PDE3B: variants seen among roughly 807,000 people sequenced by gnomAD.
PDE3B encodes the protein cGMP-inhibited 3',5'-cyclic phosphodiesterase 3B.
Under a neutral mutation model 116.8 loss-of-function variants are expected in PDE3B, and 66 were observed. The ratio of observed to expected loss-of-function variants is 0.56; its 90% confidence interval spans 0.46 to 0.69. The LOEUF is 0.69. Among genes scored for constraint, PDE3B ranks in the 30% least tolerant of loss-of-function variants. The probability of loss-of-function intolerance (pLI) is 0.00; values close to 1 mark genes in which losing one functional copy is unlikely to be tolerated. For synonymous variants in PDE3B, 595 were observed against 533.6 expected (o/e 1.12, Z -1.59); for missense variants, 1,384 against 1,368.1 (o/e 1.01, Z -0.18).
chr11:14,677,272 A>G (rs1300065092), intron 1 of PDE3B, among the ~76,000 whole-genome samples: 1 of 152,206 alleles, frequency 6.6e-6, no homozygotes, highest in South Asian at 2.1e-4. Flanking sequence ...CTCAGAATAA[A>G]GGAAATGAAG....
intron 2 of PDE3B, among the ~76,000 whole-genome samples, chr11:14,778,087 T>C (rs948315642): frequency 2.6e-5 from 4 of 152,078 alleles, no homozygotes; most frequent in African/African-American, 9.7e-5. Flanking sequence ...CAGTCTAAGA[T>C]GGAACTGCAA....
At chr11:14,825,689 A>G (rs571986300) in intron 7 of PDE3B, among the ~76,000 whole-genome samples, 75 of 152,330 alleles carry the variant, frequency 4.9e-4, no homozygotes, top group African/African-American at 1.8e-3. Context: ...AATAATAGTG[A>G]GAGACTTCAA....
intron 2 of PDE3B, among the ~76,000 whole-genome samples, chr11:14,782,262 G>T (rs775287260): frequency 2.0e-5 from 3 of 152,136 alleles, no homozygotes; most frequent in Non-Finnish European, 4.4e-5. Context: ...AAAACTACTT[G>T]AAAGTTCATG....
the PDE3B span, chr11:14,880,141 A>G: frequency 2.1e-5 from 34 of 1,612,566 alleles, no homozygotes; most frequent in Admixed American, 1.3e-4. Context: ...CTCACCTTGA[A>G]TATTAGGATA....
intron 1 of PDE3B, among the ~76,000 whole-genome samples, chr11:14,738,087 A>C (rs1856654825): frequency 6.6e-6 from 1 of 152,162 alleles, no homozygotes; most frequent in Non-Finnish European, 1.5e-5. Flanking sequence ...ATACGTGTGC[A>C]TGTGTCTTTA....
intron 4 of PDE3B, among the ~76,000 whole-genome samples, chr11:14,795,682 T>C (rs1858530963): frequency 6.6e-6 from 1 of 152,188 alleles, no homozygotes; most frequent in African/African-American, 2.4e-5. Flanking sequence ...GTCTTGACTA[T>C]TAATCATAGA....
chr11:14,747,297 A>G (rs1856935253), intron 1 of PDE3B, among the ~76,000 whole-genome samples: 3 of 152,226 alleles, frequency 2.0e-5, no homozygotes, highest in African/African-American at 7.2e-5. Context: ...CATCCAAACC[A>G]TATCAGTCAC....
chr11:14,680,030 T>C (rs10128681), intron 1 of PDE3B, among the ~76,000 whole-genome samples: 53,937 of 152,022 alleles, frequency 0.35, 10,943 homozygotes, highest in South Asian at 0.46. Flanking sequence ...GGGAAGCTCA[T>C]AGTAGTAGGC....
intron 1 of PDE3B, among the ~76,000 whole-genome samples, chr11:14,721,491 A>G (rs944739516): frequency 6.6e-6 from 1 of 151,758 alleles, no homozygotes; most frequent in Non-Finnish European, 1.5e-5. Context: ...TTATTGTGGC[A>G]TTATTCACAA....
chr11:14,822,007 AG>A, intron 7 of PDE3B, among the ~76,000 whole-genome samples: 2 of 152,010 alleles, frequency 1.3e-5, no homozygotes, highest in South Asian at 4.2e-4. Flanking sequence ...CCTGGGCTCA[AG>A]CAATCTTCCC....
At chr11:14,737,819 C>T (rs1590103930) in intron 1 of PDE3B, among the ~76,000 whole-genome samples, 1 of 144,072 alleles carries the variant, frequency 6.9e-6, no homozygotes, top group East Asian at 2.1e-4. Context: ...CTTCCTGTGT[C>T]CATGTGTTCT....
chr11:14,785,121 T>C (rs1858150800), intron 2 of PDE3B, among the ~76,000 whole-genome samples: 1 of 152,114 alleles, frequency 6.6e-6, no homozygotes, highest in Non-Finnish European at 1.5e-5. Context: ...TATATACAAT[T>C]AGAAGTGTAG....
chr11:14,806,108 G>A (rs1858911423), intron 5 of PDE3B, among the ~76,000 whole-genome samples: 1 of 152,144 alleles, frequency 6.6e-6, no homozygotes, highest in Non-Finnish European at 1.5e-5. Flanking sequence ...TCTAGAACAA[G>A]AAATACCATT....
At chr11:14,879,289 T>G in the PDE3B span, 1 of 1,613,330 alleles carries the variant, frequency 6.2e-7, no homozygotes, top group African/African-American at 1.3e-5. Flanking sequence ...CAACTGCATC[T>G]TCAGAGGTTG....
At chr11:14,850,736 T>A (rs1847728640) in intron 12 of PDE3B, among the ~76,000 whole-genome samples, 1 of 152,164 alleles carries the variant, frequency 6.6e-6, no homozygotes, top group African/African-American at 2.4e-5. Flanking sequence ...AGGTCACAAT[T>A]TGCATGAAAG....
At chr11:14,709,355 TA>T (rs1265750031) in intron 1 of PDE3B, among the ~76,000 whole-genome samples, 2 of 152,126 alleles carry the variant, frequency 1.3e-5, no homozygotes, top group African/African-American at 4.8e-5. Context: ...TTTTTCACAT[TA>T]AAAAAATCTC....
At chr11:14,820,476 A>C (rs1409313511) in intron 7 of PDE3B, among the ~76,000 whole-genome samples, 2 of 152,238 alleles carry the variant, frequency 1.3e-5, no homozygotes, top group East Asian at 3.8e-4. Context: ...ATAAATAGGC[A>C]TGAAGGAACA....
At chr11:14,786,749 T>C in intron 3 of PDE3B, 64 bp downstream of exon 3, 1 of 1,283,684 alleles carries the variant, frequency 7.8e-7, no homozygotes, top group Non-Finnish European at 1.1e-6. Context: ...AATTAACTGC[T>C]CCTTTAAATT....
intron 1 of PDE3B, among the ~76,000 whole-genome samples, chr11:14,703,347 G>A (rs1855428983): frequency 1.3e-5 from 2 of 151,194 alleles, no homozygotes; most frequent in African/African-American, 4.8e-5. Context: ...ATGTGGAGAA[G>A]TATAAAGAAA....
Sources: gnomAD v4.1 joint callset for allele counts (sites outside exome capture counted in the v4.1 genomes callset) on GRCh38, gnomAD v4.1.1 for gene constraint, MANE v1.5 for transcripts, NCBI Gene and HGNC (gene_info 2026-07-23, HGNC 2026-07-21) for gene names.